The following CDIN1 variants were observed in gnomAD, a reference collection of about 807,000 sequenced individuals.
The protein encoded by CDIN1 is CDAN1-interacting nuclease 1.
In CDIN1, 33 loss-of-function variants were observed where a neutral mutation model predicts 45.3. The ratio of observed to expected loss-of-function variants is 0.73; its 90% CI spans 0.55 to 0.97. The LOEUF (loss-of-function observed/expected upper bound fraction) is 0.97, where lower values mean the gene tolerates loss of function less well. Ranked by LOEUF, CDIN1 falls within the 50% of genes least tolerant of loss-of-function variation. The pLI, the probability that CDIN1 is intolerant of heterozygous loss-of-function variation, is 0.00. For synonymous variants in CDIN1, 118 were observed against 124.4 expected (o/e 0.95, Z 0.34); for missense variants, 303 against 339.4 (o/e 0.89, Z 0.84).
At chr15:36,726,718 C>T (rs556236593) in intron 10 of CDIN1, among the ~76,000 whole-genome samples, 7 of 152,318 alleles carry the variant, frequency 4.6e-5, no homozygotes, top group African/African-American at 1.7e-4. Flanking sequence ...CACCACTCAG[C>T]ACTATTCTCA....
chr15:36,793,845 G>T lies in CDIN1; in HGVS notation c.717-14479G>T, dbSNP rs139091569. Among the ~76,000 whole-genome samples the T allele has an allele frequency of 2.6e-3, 391 of 152,246 alleles. 2 individuals carry two copies. Among genetic ancestry groups the T allele is most frequent in the African/African-American group, 9.1e-3 (380 of 41,550 alleles). On this transcript the variant is annotated intron_variant, in intron 10 of 10. Coordinates refer to ENST00000566621, the MANE Select transcript of CDIN1 (RefSeq NM_001321759.2). ...GATCCCCACTCTGCCTTAAAGGCCA[G>T]CATCAGTGTCCCAATGCTTTTCCGT...
intron 1 of CDIN1, among the ~76,000 whole-genome samples, chr15:36,602,699 G>A (rs918805362): frequency 1.3e-5 from 2 of 152,168 alleles, no homozygotes; most frequent in Non-Finnish European, 2.9e-5. Flanking sequence ...TGGGCTGGGC[G>A]CAGTGGCTCA....
In CDIN1 at chr15:36,610,571, G is replaced by A. The variant is rs1285746578; in HGVS notation, c.101+30610G>A. Among the ~76,000 whole-genome samples the A allele has an allele frequency of 6.6e-5, 10 of 152,118 alleles. No homozygotes were observed. The South Asian group carries it at 1.0e-3, about 16-fold the overall frequency. On this transcript the variant is annotated intron_variant, in intron 1 of 10. Coordinates refer to ENST00000566621, the MANE Select transcript of CDIN1 (RefSeq NM_001321759.2). ...TTTGGATGGGTTTGTATATAACTGC[G>A]TGTGAGTGTGTATGTGGGTGTGTAT...
intron 10 of CDIN1, among the ~76,000 whole-genome samples, chr15:36,780,394 A>C (rs1566968852): frequency 6.6e-6 from 1 of 152,158 alleles, no homozygotes; most frequent in Admixed American, 6.5e-5. Context: ...AATTGTTTTA[A>C]ATTGATGTTT....
chr15:36,680,433 T>A (rs2041809634), intron 5 of CDIN1, among the ~76,000 whole-genome samples: 1 of 152,202 alleles, frequency 6.6e-6, no homozygotes, highest in Non-Finnish European at 1.5e-5. Context: ...GAGTGAGCTT[T>A]TGTTAGTGGG....
intron 1 of CDIN1, among the ~76,000 whole-genome samples, chr15:36,624,065 G>A (rs1452112171): frequency 6.6e-6 from 1 of 152,168 alleles, no homozygotes; most frequent in African/African-American, 2.4e-5. Context: ...CATCATGACA[G>A]TAGGTATTTA....
intron 10 of CDIN1, among the ~76,000 whole-genome samples, chr15:36,714,822 C>T (rs1244159816): frequency 6.6e-6 from 1 of 152,144 alleles, no homozygotes; most frequent in African/African-American, 2.4e-5. Flanking sequence ...CTGAAAGGGC[C>T]CTCCAGGCCC....
intron 10 of CDIN1, among the ~76,000 whole-genome samples, chr15:36,782,231 C>T (rs1486832809): frequency 6.6e-6 from 1 of 152,000 alleles, no homozygotes; most frequent in Non-Finnish European, 1.5e-5. Flanking sequence ...AAATGGTAAA[C>T]ACAACTATAA....
chr15:36,715,614 A>T (rs928312104), intron 10 of CDIN1, among the ~76,000 whole-genome samples: 1 of 152,212 alleles, frequency 6.6e-6, no homozygotes, highest in South Asian at 2.1e-4. Flanking sequence ...CAGCCTCAGA[A>T]GCAGCACTGC....
intron 10 of CDIN1, among the ~76,000 whole-genome samples, chr15:36,762,074 A>G (rs560092447): frequency 1.3e-5 from 2 of 152,146 alleles, no homozygotes; most frequent in South Asian, 2.1e-4. Flanking sequence ...GTTTCCTATC[A>G]TATCTAGAGA....
At chr15:36,801,542 T>C (rs986130638) in intron 10 of CDIN1, among the ~76,000 whole-genome samples, 1 of 152,270 alleles carries the variant, frequency 6.6e-6, no homozygotes, top group African/African-American at 2.4e-5. Context: ...CCTCATACGT[T>C]CACTTAGACC....
intron 10 of CDIN1, among the ~76,000 whole-genome samples, chr15:36,757,575 G>A (rs891684432): frequency 3.1e-4 from 47 of 152,262 alleles, no homozygotes; most frequent in African/African-American, 8.4e-4. Flanking sequence ...TCTGAGGAGC[G>A]TGATGAAACC....
intron 10 of CDIN1, among the ~76,000 whole-genome samples, chr15:36,713,337 T>C (rs1439377586): frequency 1.3e-5 from 2 of 152,206 alleles, no homozygotes; most frequent in Admixed American, 1.3e-4. Flanking sequence ...AGTCACATTC[T>C]GGCACGTTCT....
At chr15:36,714,348 T>G (rs2140852855) in intron 10 of CDIN1, among the ~76,000 whole-genome samples, 2 of 152,282 alleles carry the variant, frequency 1.3e-5, no homozygotes, top group South Asian at 4.1e-4. Flanking sequence ...TTCCCAAAAC[T>G]TCAGACAGTT....
At chr15:36,613,329 C>T (rs1428765350) in intron 1 of CDIN1, 1 of 683,028 alleles carries the variant, frequency 1.5e-6, no homozygotes, top group African/African-American at 1.8e-5. Flanking sequence ...AGTCACTGTG[C>T]TATATATTGA....
At chr15:36,659,103 CT>C (rs1220738246) in intron 5 of CDIN1, among the ~76,000 whole-genome samples, 9 of 152,184 alleles carry the variant, frequency 5.9e-5, no homozygotes, top group Non-Finnish European at 1.3e-4. Flanking sequence ...TTTGGACCTA[CT>C]GCTATCCAGG....
At chr15:36,602,739 G>C (rs191663411) in intron 1 of CDIN1, among the ~76,000 whole-genome samples, 45 of 152,246 alleles carry the variant, frequency 3.0e-4, no homozygotes, top group African/African-American at 1.0e-3. Context: ...TTGGGAGGCC[G>C]AGGCGGGCAG....
intron 10 of CDIN1, chr15:36,799,719 G>A (rs2054947832): frequency 6.6e-6 from 1 of 152,114 alleles, no homozygotes; most frequent in Non-Finnish European, 1.5e-5. Flanking sequence ...ATGGAGAGGA[G>A]CTTTTCTTCT....
intron 10 of CDIN1, among the ~76,000 whole-genome samples, chr15:36,775,860 T>G (rs2141038411): frequency 6.6e-6 from 1 of 152,360 alleles, no homozygotes; most frequent in South Asian, 2.1e-4. Context: ...TTCTTTGGTT[T>G]CTACCTGGAT....
Sources: allele counts gnomAD v4.1 joint callset (sites outside exome capture counted in the v4.1 genomes callset), GRCh38; gene constraint gnomAD v4.1.1; transcripts MANE v1.5; gene names NCBI Gene and HGNC (gene_info 2026-07-23, HGNC 2026-07-21).